LYPD6: variants seen among roughly 807,000 people sequenced by gnomAD.
LYPD6 encodes the protein ly6/PLAUR domain-containing protein 6.
In LYPD6, 15 loss-of-function variants were observed where a neutral mutation model predicts 22.7. The observed-to-expected ratio is 0.66, with a 90% CI of 0.44 to 1.02. The LOEUF is 1.02. LYPD6 is among the 50% of genes least tolerant of loss of function. LYPD6 has a pLI of 0.00. For synonymous variants in LYPD6, 72 were observed against 77.5 expected, an observed-to-expected ratio of 0.93 and a Z score of 0.37; for missense variants, 189 against 208.4, an observed-to-expected ratio of 0.91 and a Z score of 0.57.
At chr2:149,334,648 C>G (rs1225235891) in intron 1 of LYPD6, among the ~76,000 whole-genome samples, 1 of 151,924 alleles carries the variant, frequency 6.6e-6, no homozygotes, top group African/African-American at 2.4e-5. Context: ...GGGCTCCAGT[C>G]AGGGGAGGGG....
At chr2:149,357,169 C>G (rs11690449) in intron 1 of LYPD6, among the ~76,000 whole-genome samples, 1,748 of 152,334 alleles carry the variant, frequency 0.011, 13 homozygotes, top group Middle Eastern at 0.02. Flanking sequence ...ACTTAGTTAT[C>G]TACCCTGATT....
chr2:149,440,850 A>G (rs1683549851), intron 2 of LYPD6, among the ~76,000 whole-genome samples: 2 of 148,580 alleles, frequency 1.3e-5, no homozygotes, highest in Admixed American at 6.7e-5. Context: ...ACAGGTGCCC[A>G]CCACCAGGCC....
chr2:149,377,739 C>A (rs935789890), intron 1 of LYPD6, among the ~76,000 whole-genome samples: 5 of 151,786 alleles, frequency 3.3e-5, no homozygotes, highest in Non-Finnish European at 7.4e-5. Context: ...GAGATCACAC[C>A]ACTGCACTCC....
intron 1 of LYPD6, among the ~76,000 whole-genome samples, chr2:149,342,766 ATGT>A (rs1316801937): frequency 1.3e-5 from 2 of 152,162 alleles, no homozygotes; most frequent in East Asian, 1.9e-4. Context: ...CTGGCTTAAA[ATGT>A]TGTTTTAAGG....
At chr2:149,375,348 G>A (rs934158174) in intron 1 of LYPD6, among the ~76,000 whole-genome samples, 6 of 152,086 alleles carry the variant, frequency 3.9e-5, no homozygotes, top group Non-Finnish European at 8.8e-5. Flanking sequence ...AGGTAGGTGG[G>A]GTGTGAGTGG....
intron 1 of LYPD6, among the ~76,000 whole-genome samples, chr2:149,354,355 A>C (rs868847797): frequency 1.4e-4 from 22 of 152,148 alleles, no homozygotes; most frequent in Middle Eastern, 3.4e-3. Flanking sequence ...TTACAGGTGC[A>C]TGCCACCACA....
intron 2 of LYPD6, among the ~76,000 whole-genome samples, chr2:149,446,497 G>A (rs1683691107): frequency 1.3e-5 from 2 of 152,132 alleles, no homozygotes; most frequent in African/African-American, 4.8e-5. Flanking sequence ...CTATAGGTGG[G>A]TAATGTGAAG....
intron 1 of LYPD6, among the ~76,000 whole-genome samples, chr2:149,398,542 T>A (rs1314674408): frequency 6.6e-6 from 1 of 152,022 alleles, no homozygotes; most frequent in Non-Finnish European, 1.5e-5. Flanking sequence ...CTTTCCTTAC[T>A]TTCCTGTTAC....
intron 1 of LYPD6, among the ~76,000 whole-genome samples, chr2:149,335,126 A>T (rs1227825371): frequency 6.6e-6 from 1 of 151,388 alleles, no homozygotes; most frequent in Non-Finnish European, 1.5e-5. Flanking sequence ...CTTAGAGAGA[A>T]CTCCTACTTA....
chr2:149,398,578 TG>T (rs1371321996), intron 1 of LYPD6, among the ~76,000 whole-genome samples: 2 of 151,996 alleles, frequency 1.3e-5, no homozygotes, highest in African/African-American at 4.8e-5. Flanking sequence ...GGGGAAGGGA[TG>T]GGGGTAGCAG....
chr2:149,485,093 C>CG, the LYPD6 span, among the ~76,000 whole-genome samples: 1 of 152,098 alleles, frequency 6.6e-6, no homozygotes, highest in African/African-American at 2.4e-5. Context: ...TGGGTCATCA[C>CG]GGGCCCCTCA....
chr2:149,385,417 G>A (rs1231123402), intron 1 of LYPD6, among the ~76,000 whole-genome samples: 4 of 152,194 alleles, frequency 2.6e-5, no homozygotes, highest in African/African-American at 9.7e-5. Context: ...CCTGAGACCA[G>A]CCATGATGTG....
chr2:149,393,338 G>A (rs1682356439), intron 1 of LYPD6, among the ~76,000 whole-genome samples: 1 of 152,134 alleles, frequency 6.6e-6, no homozygotes, highest in Admixed American at 6.5e-5. Flanking sequence ...CATCATTTTC[G>A]GCAGCCAGGC....
At chr2:149,446,762 A>T (rs970004244) in intron 2 of LYPD6, among the ~76,000 whole-genome samples, 1 of 152,170 alleles carries the variant, frequency 6.6e-6, no homozygotes, top group African/African-American at 2.4e-5. Context: ...TAGACTGTTT[A>T]TGACTTTTGA....
chr2:149,335,148 A>T (rs1272909527), intron 1 of LYPD6, among the ~76,000 whole-genome samples: 8 of 150,742 alleles, frequency 5.3e-5, no homozygotes, highest in Non-Finnish European at 1.5e-5. Flanking sequence ...TTTTTTTTTT[A>T]AAGTGAACTG....
rs1247142953 is a variant in LYPD6 at position 149,473,254 on chromosome 2, G to T, written c.*2404G>T. ...GTGGTGCAGATTCAACCACCACCCA[G>T]GGAGTGCTTGCAGACTCTGCATAGA... On this transcript the variant is annotated 3_prime_UTR_variant, in exon 5 of 5. Coordinates refer to ENST00000334166, the MANE Select transcript of LYPD6 (RefSeq NM_194317.5). 6.6e-6 allele frequency: 1 copy of T among 152,612 alleles called. No individual in the cohort carries two copies. The highest frequency in any genetic ancestry group is 1.9e-4 in the East Asian group (1 of 5,188). 9.5% of individuals were successfully genotyped at this position (152,612 alleles called of 1,614,324 possible). A position where few individuals can be genotyped will look rare whatever the true frequency, so the allele number is the denominator to read the frequency against.
intron 3 of LYPD6, among the ~76,000 whole-genome samples, chr2:149,468,342 C>T (rs1391221679): frequency 6.6e-6 from 1 of 152,010 alleles, no homozygotes; most frequent in East Asian, 1.9e-4. Context: ...ACCACTCATC[C>T]CCTAAAAATA....
chr2:149,369,823 G>A lies in LYPD6; in HGVS notation c.-72+39101G>A, dbSNP rs1681765713. On this transcript the variant is annotated intron_variant, in intron 1 of 4. Coordinates refer to ENST00000334166, the MANE Select transcript of LYPD6 (RefSeq NM_194317.5). Reference sequence around the variant, plus strand: ...TAGCTAAGTTTGTGAAAAGAAGTGGGAAATTGTTGGTTTTCATTTAGACGG... The same window carrying A: ...TAGCTAAGTTTGTGAAAAGAAGTGGAAAATTGTTGGTTTTCATTTAGACGG... 2.0e-5 allele frequency among the ~76,000 whole-genome samples: 3 copies of A among 152,264 alleles called. No individual in the cohort carries two copies. The East Asian group carries it at 5.8e-4, about 29-fold the overall frequency.
intron 1 of LYPD6, among the ~76,000 whole-genome samples, chr2:149,337,876 A>G (rs1226317214): frequency 6.6e-6 from 1 of 152,174 alleles, no homozygotes; most frequent in Non-Finnish European, 1.5e-5. Flanking sequence ...TTATAAGAGC[A>G]TGTGGTATTA....
Sources: gnomAD v4.1 joint callset for allele counts (sites outside exome capture counted in the v4.1 genomes callset) on GRCh38, gnomAD v4.1.1 for gene constraint, MANE v1.5 for transcripts, NCBI Gene and HGNC (gene_info 2026-07-23, HGNC 2026-07-21) for gene names.